UGT1A9: variants seen among roughly 807,000 people sequenced by gnomAD.
The protein encoded by UGT1A9 is UDP glucuronosyltransferase family 1 member A9.
In UGT1A9, 35 loss-of-function variants were observed where a neutral mutation model predicts 45.0. The ratio of observed to expected loss-of-function variants is 0.78; its 90% CI spans 0.59 to 1.03. The LOEUF (loss-of-function observed/expected upper bound fraction) is 1.03. UGT1A9 is among the 50% of genes least tolerant of loss of function. The pLI is 0.00. For synonymous variants in UGT1A9, 278 were observed against 250.6 expected (o/e 1.11, Z -1.03); for missense variants, 687 against 666.6 (o/e 1.03, Z -0.34).
chr2:233,722,960 A>G (rs932052619), intron 1 of UGT1A9, among the ~76,000 whole-genome samples: 1 of 141,792 alleles, frequency 7.1e-6, no homozygotes, highest in African/African-American at 2.6e-5. Context: ...GAGGAGGAGG[A>G]AGGGGAGGGA....
intron 1 of UGT1A9, among the ~76,000 whole-genome samples, chr2:233,766,135 C>T (rs569141558): frequency 2.0e-5 from 3 of 152,288 alleles, no homozygotes; most frequent in Admixed American, 6.5e-5. Context: ...CCAGAAGAAT[C>T]GAATCCCACC....
chr2:233,707,461 T>G (rs1015244462), intron 1 of UGT1A9, among the ~76,000 whole-genome samples: 1 of 152,148 alleles, frequency 6.6e-6, no homozygotes, highest in African/African-American at 2.4e-5. Flanking sequence ...TAAATTTGCA[T>G]CTGTAAATAA....
intron 1 of UGT1A9, among the ~76,000 whole-genome samples, chr2:233,702,006 G>T (rs1014766154): frequency 6.6e-6 from 1 of 152,034 alleles, no homozygotes; most frequent in East Asian, 1.9e-4. Flanking sequence ...GAGCAGAACT[G>T]AAGGAAATAG....
chr2:233,682,829 T>A, intron 1 of UGT1A9: 1 of 1,558,018 alleles, frequency 6.4e-7, no homozygotes, highest in Non-Finnish European at 8.7e-7. Flanking sequence ...AAGAATAATC[T>A]GGCTTTGGAA....
At chr2:233,700,807 G>A (rs934184744) in intron 1 of UGT1A9, among the ~76,000 whole-genome samples, 1 of 151,690 alleles carries the variant, frequency 6.6e-6, no homozygotes, top group African/African-American at 2.4e-5. Context: ...GTGCCATGTT[G>A]GTGTGCTGCA....
chr2:233,738,316 T>C (rs1483940334), intron 1 of UGT1A9, among the ~76,000 whole-genome samples: 4 of 152,176 alleles, frequency 2.6e-5, no homozygotes, highest in African/African-American at 7.2e-5. Context: ...TAGCAGTGTG[T>C]GAATGGACTA....
At chr2:233,693,911 C>G in intron 1 of UGT1A9, 1 of 1,612,432 alleles carries the variant, frequency 6.2e-7, no homozygotes, top group South Asian at 1.1e-5. Flanking sequence ...CTTCCAGGCT[C>G]TGTCCTCCCT....
intron 1 of UGT1A9, among the ~76,000 whole-genome samples, chr2:233,710,804 T>A (rs1263118974): frequency 6.6e-6 from 1 of 152,240 alleles, no homozygotes; most frequent in Non-Finnish European, 1.5e-5. Context: ...GTACCCCTCG[T>A]GCCCTATCTA....
At chr2:233,672,911 A>G (rs184184865) in intron 1 of UGT1A9, 122 bp downstream of exon 1, 1 of 1,505,560 alleles carries the variant, frequency 6.6e-7, no homozygotes, top group Non-Finnish European at 8.8e-7. Context: ...TTCCAGTTTA[A>G]CAAATTATTT....
intron 1 of UGT1A9, chr2:233,713,136 C>A (rs41270755): frequency 6.2e-7 from 1 of 1,614,170 alleles, no homozygotes; most frequent in East Asian, 2.2e-5. Context: ...GGAGGCCTTG[C>A]GGGACCTCCA....
At chr2:233,709,538 T>C (rs957537523) in intron 1 of UGT1A9, among the ~76,000 whole-genome samples, 1 of 152,188 alleles carries the variant, frequency 6.6e-6, no homozygotes, top group African/African-American at 2.4e-5. Flanking sequence ...CCTACTGTGA[T>C]ATATGTAAGT....
chr2:233,769,846 A>T lies in UGT1A9; in HGVS notation c.1295+1407A>T. 5.9e-6 allele frequency: 3 copies of T among 506,296 alleles called. No individual in the cohort carries two copies. Among genetic ancestry groups the T allele is most frequent in the African/African-American group, 2.0e-5 (1 of 49,168 alleles). The allele number at this position is 506,296 out of a possible 1,614,324, so 31.4% of individuals were successfully genotyped here. ...CTCCAGCAACCTGGGCAACAGAGTG[A>T]GACCCTGTCTCAAAAAAAAAAAAAA... On this transcript the variant is annotated intron_variant, in intron 4 of 4. Coordinates refer to ENST00000354728, the MANE Select transcript of UGT1A9 (RefSeq NM_021027.3). The surrounding 1 kb of genome is among the most constrained non-coding windows in gnomAD (Gnocchi z 4.4).
intron 1 of UGT1A9, chr2:233,719,423 T>C (rs1466755508): frequency 3.7e-6 from 6 of 1,613,856 alleles, no homozygotes; most frequent in Non-Finnish European, 2.5e-6. Context: ...TAACGACCAA[T>C]TCAGACCACA....
At position 233,679,487 on chromosome 2, in the gene UGT1A9, C is replaced by T. The variant is rs146024249; in HGVS notation, c.855+6698C>T. ...AACAGTAGAGTTAGCCTATCCCTTCCTGCCTTACATTCTGGTGCTTGGTTT... is the reference window on the plus strand; with the variant it reads ...AACAGTAGAGTTAGCCTATCCCTTCTTGCCTTACATTCTGGTGCTTGGTTT... On this transcript the variant is annotated intron_variant, in intron 1 of 4. Coordinates refer to ENST00000354728, the MANE Select transcript of UGT1A9 (RefSeq NM_021027.3). 2.3e-4 allele frequency among the ~76,000 whole-genome samples: 35 copies of T among 152,290 alleles called. 1 individual carries two copies. The highest frequency in any genetic ancestry group is 8.2e-4 in the African/African-American group (34 of 41,550).
At chr2:233,690,157 C>A (rs1178614520) in intron 1 of UGT1A9, among the ~76,000 whole-genome samples, 1 of 152,204 alleles carries the variant, frequency 6.6e-6, no homozygotes, top group Non-Finnish European at 1.5e-5. Context: ...GATTCATTGA[C>A]ATGTAGTTAT....
intron 1 of UGT1A9, among the ~76,000 whole-genome samples, chr2:233,761,626 A>C (rs1697818460): frequency 6.6e-6 from 1 of 152,238 alleles, no homozygotes; most frequent in Non-Finnish European, 1.5e-5. Flanking sequence ...TAAGAAGCTA[A>C]ATCCTGCAGT....
intron 1 of UGT1A9, chr2:233,713,215 T>TC: frequency 6.2e-7 from 1 of 1,614,220 alleles, no homozygotes; most frequent in South Asian, 1.1e-5. Flanking sequence ...GAGAACTTTT[T>TC]CACCCTGACA....
intron 1 of UGT1A9, among the ~76,000 whole-genome samples, chr2:233,724,767 C>T (rs2125706363): frequency 7.0e-6 from 1 of 143,094 alleles, no homozygotes; most frequent in African/African-American, 2.7e-5. Context: ...GGCGGCCAGG[C>T]AGAGACACTC....
At chr2:233,758,501 A>C (rs1213021180) in intron 1 of UGT1A9, among the ~76,000 whole-genome samples, 2 of 152,232 alleles carry the variant, frequency 1.3e-5, no homozygotes, top group Admixed American at 6.5e-5. Context: ...AGAATTTCTA[A>C]TAAGGACACA....
Sources: allele counts gnomAD v4.1 joint callset (sites outside exome capture counted in the v4.1 genomes callset), GRCh38; gene constraint gnomAD v4.1.1; non-coding constraint Gnocchi (gnomAD v3.1); transcripts MANE v1.5; gene names NCBI Gene and HGNC (gene_info 2026-07-23, HGNC 2026-07-21).